Variants in PRTG observed in about 807,000 individuals in gnomAD.
PRTG encodes the protein immunoglobulin superfamily, DCC subclass, member 5.
Under a neutral mutation model 122.5 loss-of-function variants are expected in PRTG, and 67 were observed. That is an observed-to-expected ratio of 0.55 (90% confidence interval 0.45 to 0.67). PRTG has a LOEUF of 0.67. PRTG is among the 30% of genes least tolerant of loss of function. The pLI is 0.00. For missense variants in PRTG, 1,435 were observed against 1,415.4 expected, an observed-to-expected ratio of 1.01 and a Z score of -0.22; for synonymous variants, 554 against 501.1, an observed-to-expected ratio of 1.11 and a Z score of -1.41.
At chr15:55,665,074 C>T (rs1162429733) in intron 11 of PRTG, among the ~76,000 whole-genome samples, 3 of 151,474 alleles carry the variant, frequency 2.0e-5, no homozygotes, top group East Asian at 2.0e-4. Flanking sequence ...CTGGCTAACA[C>T]GGTGAAACGT....
intron 7 of PRTG, 115 bp downstream of exon 7, chr15:55,679,171 T>G: frequency 1.5e-6 from 1 of 668,388 alleles, no homozygotes; most frequent in Non-Finnish European, 2.5e-6. Context: ...TAGTTTCATT[T>G]TGTTAATAAC....
At chr15:55,671,578 A>G (rs1208563782) in intron 11 of PRTG, among the ~76,000 whole-genome samples, 2 of 151,982 alleles carry the variant, frequency 1.3e-5, no homozygotes, top group Non-Finnish European at 2.9e-5. Flanking sequence ...GGCTCACTGC[A>G]ACCTCCACCA....
chr15:55,689,688 GA>G (rs2059589783), intron 2 of PRTG, among the ~76,000 whole-genome samples: 1 of 151,802 alleles, frequency 6.6e-6, no homozygotes, highest in African/African-American at 2.4e-5. Context: ...AGCACTTTGG[GA>G]GGCCAAGGCG....
At chr15:55,699,897 T>C (rs2059652627) in intron 2 of PRTG, among the ~76,000 whole-genome samples, 1 of 152,172 alleles carries the variant, frequency 6.6e-6, no homozygotes, top group East Asian at 1.9e-4. Flanking sequence ...ACAGGCAATT[T>C]TGCCCAGGCC....
chr15:55,638,538 G>GT lies in PRTG; in HGVS notation c.2452+10dup. 1 of 1,590,128 alleles carries GT rather than the reference G, an allele frequency of 6.3e-7. No individual in the cohort carries two copies. The highest frequency in any genetic ancestry group is 8.5e-7 in the Non-Finnish European group (1 of 1,170,632). On this transcript the variant is annotated intron_variant, in intron 14 of 19. Transcript: ENST00000389286. The stretch of plus-strand genomic sequence containing the variant: ...TTAAAGATAAAATCTATAGGGAGCT[G>GT]TTTTCTTTACCTTCTGGAAGAGTAG...
chr15:55,679,549 T>C (rs953736085), intron 6 of PRTG, 104 bp from the exon 7 acceptor site: 2 of 793,778 alleles, frequency 2.5e-6, no homozygotes, highest in Non-Finnish European at 3.9e-6. Flanking sequence ...TTCCTGAAGA[T>C]GCCTGACATG....
intron 15 of PRTG, among the ~76,000 whole-genome samples, chr15:55,631,499 A>G (rs1030228270): frequency 1.3e-5 from 2 of 152,236 alleles, no homozygotes; most frequent in Admixed American, 1.3e-4. Flanking sequence ...AAGGGAAACT[A>G]TAACATTCTG....
intron 2 of PRTG, among the ~76,000 whole-genome samples, chr15:55,687,490 A>G (rs772554338): frequency 3.3e-5 from 5 of 152,204 alleles, no homozygotes; most frequent in Admixed American, 6.5e-5. Context: ...ATCAAACAAT[A>G]TGCCTGGGCA....
chr15:55,682,968 C>G (rs567287790), intron 3 of PRTG, among the ~76,000 whole-genome samples: 44 of 152,276 alleles, frequency 2.9e-4, no homozygotes, highest in African/African-American at 1.0e-3. Context: ...TAGCTTGATT[C>G]TATTGTTTTC....
intron 12 of PRTG, 52 bp from the exon 13 acceptor site, chr15:55,639,880 G>C (rs748092062): frequency 6.3e-7 from 1 of 1,591,182 alleles, no homozygotes; most frequent in Non-Finnish European, 8.6e-7. Flanking sequence ...TTTTAACATA[G>C]AAAGTGGTAA....
Position 55,625,173 on chromosome 15 carries a change from A to G in PRTG, c.2928-666T>C, listed in dbSNP as rs541725098. ...AAAAATAGCCTTAATAAATGAAAAC[A>G]AAACCCAAAATATAAAAGGCTAAAA... On this transcript the variant is annotated intron_variant, in intron 17 of 19. Transcript: ENST00000389286. Among the ~76,000 whole-genome samples the G allele has an allele frequency of 2.6e-5, 4 of 152,336 alleles. No individual in the cohort carries two copies. In the South Asian group the frequency reaches 8.3e-4, roughly 32 times the overall value.
chr15:55,687,229 G>C (rs1041192896), intron 2 of PRTG, among the ~76,000 whole-genome samples: 2 of 152,198 alleles, frequency 1.3e-5, no homozygotes, highest in Admixed American at 1.3e-4. Flanking sequence ...GAAGAAAATA[G>C]TGCTTTTTAT....
chr15:55,678,896 T>C (rs1331901898), intron 7 of PRTG, among the ~76,000 whole-genome samples: 2 of 152,220 alleles, frequency 1.3e-5, no homozygotes, highest in African/African-American at 2.4e-5. Flanking sequence ...TCATTAACTA[T>C]AGAGAAATTA....
chr15:55,628,699 G>C, intron 16 of PRTG, 123 bp downstream of exon 16: 1 of 746,688 alleles, frequency 1.3e-6, no homozygotes. Flanking sequence ...AAGCTCATCA[G>C]CAACAACTTA....
chr15:55,725,388 G>C (rs1199660280), intron 2 of PRTG, among the ~76,000 whole-genome samples: 2 of 152,078 alleles, frequency 1.3e-5, no homozygotes, highest in African/African-American at 4.8e-5. Flanking sequence ...ACAAAAAAAG[G>C]TATAAGGTAA....
Position 55,691,177 on chromosome 15 carries a change from T to C in PRTG, c.398-7246A>G, listed in dbSNP as rs552297909. 5.1e-3 allele frequency among the ~76,000 whole-genome samples: 774 copies of C among 151,008 alleles called. 3 individuals carry two copies. Among genetic ancestry groups the C allele is most frequent in the Non-Finnish European group, 9.0e-3 (609 of 67,892 alleles). Reference sequence around the variant, plus strand: ...TGGGTGTGGTGGCAGGTGCCTGTAATCCCAGCTACTCAGGAGGCTGAGGCA... The same window carrying C: ...TGGGTGTGGTGGCAGGTGCCTGTAACCCCAGCTACTCAGGAGGCTGAGGCA... On this transcript the variant is annotated intron_variant, in intron 2 of 19. Transcript: ENST00000389286.
chr15:55,642,397 A>T (rs1318203564), intron 11 of PRTG, among the ~76,000 whole-genome samples: 1 of 151,876 alleles, frequency 6.6e-6, no homozygotes, highest in Non-Finnish European at 1.5e-5. Context: ...CGGGTGGGTC[A>T]CCCGAGGTCG....
At chr15:55,638,033 T>C (rs28398229) in intron 14 of PRTG, among the ~76,000 whole-genome samples, 16,476 of 152,196 alleles carry the variant, frequency 0.11, 1,176 homozygotes, top group East Asian at 0.38. Context: ...GCTTATATAA[T>C]AGATTATCTA....
At chr15:55,735,191 T>C (rs1466374012) in intron 2 of PRTG, among the ~76,000 whole-genome samples, 4 of 152,162 alleles carry the variant, frequency 2.6e-5, no homozygotes, top group African/African-American at 9.7e-5. Context: ...TCAATAATCA[T>C]AGCTGTTTTT....
Sources: allele counts gnomAD v4.1 joint callset (sites outside exome capture counted in the v4.1 genomes callset), GRCh38; gene constraint gnomAD v4.1.1; transcripts MANE v1.5; gene names NCBI Gene and HGNC (gene_info 2026-07-23, HGNC 2026-07-21).